The following CCDC6 variants were observed in gnomAD, a reference collection of about 807,000 sequenced individuals.
The protein encoded by CCDC6 is coiled-coil domain containing 6.
CCDC6 carries 20 observed loss-of-function variants against 56.6 expected under a neutral mutation model. That is an observed-to-expected ratio of 0.35 (90% CI 0.25 to 0.51). The LOEUF (loss-of-function observed/expected upper bound fraction) is 0.51, where lower values mean the gene tolerates loss of function less well. CCDC6 is among the 20% of genes least tolerant of loss of function. The pLI, the probability that CCDC6 is intolerant of heterozygous loss-of-function variation, is 0.95. For synonymous variants in CCDC6, 241 were observed against 234.4 expected (o/e 1.03, Z -0.26); for missense variants, 367 against 601.1 (o/e 0.61, Z 4.07).
chr10:59,873,070 T>C (rs2071245274), intron 1 of CCDC6, among the ~76,000 whole-genome samples: 1 of 152,146 alleles, frequency 6.6e-6, no homozygotes, highest in Non-Finnish European at 1.5e-5. Flanking sequence ...CATGTTTTGC[T>C]GAGGTGGTTT....
chr10:59,899,752 C>G (rs1289423556), intron 1 of CCDC6, among the ~76,000 whole-genome samples: 1 of 152,214 alleles, frequency 6.6e-6, no homozygotes. Flanking sequence ...CCAAGCCCTG[C>G]TCAGAAACAC....
intron 1 of CCDC6, among the ~76,000 whole-genome samples, chr10:59,856,188 G>T (rs142832177): frequency 6.6e-6 from 1 of 152,020 alleles, no homozygotes; most frequent in Non-Finnish European, 1.5e-5. Flanking sequence ...GCCTCTTATG[G>T]CATCTAAACA....
intron 3 of CCDC6, among the ~76,000 whole-genome samples, chr10:59,831,169 G>A (rs2070832038): frequency 6.6e-6 from 1 of 152,102 alleles, no homozygotes; most frequent in South Asian, 2.1e-4. Flanking sequence ...CATGGTGTCT[G>A]GTTAACTTAG....
At chr10:59,798,854 G>A (rs1168061114) in intron 7 of CCDC6, among the ~76,000 whole-genome samples, 3 of 118,510 alleles carry the variant, frequency 2.5e-5, no homozygotes, top group Admixed American at 2.4e-4. Context: ...CTAGGTGGGC[G>A]TGGTGGTTTG....
intron 3 of CCDC6, among the ~76,000 whole-genome samples, chr10:59,818,295 G>T (rs1004828506): frequency 6.6e-6 from 1 of 152,180 alleles, no homozygotes; most frequent in Non-Finnish European, 1.5e-5. Flanking sequence ...GCATCTGTTG[G>T]TAGAGTTACC....
rs371957296 is a variant in CCDC6, at chr10:59,793,061, C to T, written c.1281G>A (p.Thr427=). The change falls in exon 9 of 9, where the codon ACG becomes ACA. Residue 427 remains threonine, a synonymous_variant. Coordinates refer to ENST00000263102, the MANE Select transcript of CCDC6 (RefSeq NM_005436.5). ...SNSPDKFKRP[T]PPPSPNTQTP... ...TCTGTGTGTTGGGAGATGGAGGCGG[C>T]GTGGGCCGTTTGAATTTGTCAGGAC... The T allele has an allele frequency of 3.0e-5, 48 of 1,613,976 alleles. No homozygotes were observed. Among genetic ancestry groups the T allele is most frequent in the Admixed American group, 8.3e-5 (5 of 59,994 alleles).
chr10:59,818,922 T>C (rs1230064311), intron 3 of CCDC6, among the ~76,000 whole-genome samples: 1 of 152,254 alleles, frequency 6.6e-6, no homozygotes, highest in African/African-American at 2.4e-5. Flanking sequence ...AACTGTGAGT[T>C]GGGAGGAGGT....
At chr10:59,902,388 CTTTTTTT>C (rs35175510) in intron 1 of CCDC6, among the ~76,000 whole-genome samples, 5 of 88,422 alleles carry the variant, frequency 5.7e-5, no homozygotes, top group Admixed American at 1.4e-4. Context: ...AACAGTAACT[CTTTTTTT>C]TTTTTTTTTT....
At chr10:59,898,454 T>C (rs772706503) in intron 1 of CCDC6, among the ~76,000 whole-genome samples, 1 of 152,208 alleles carries the variant, frequency 6.6e-6, no homozygotes, top group Non-Finnish European at 1.5e-5. Context: ...ATGAACTTCA[T>C]TTTGGAAGCT....
chr10:59,889,283 A>G (rs569413633), intron 1 of CCDC6, among the ~76,000 whole-genome samples: 90 of 152,308 alleles, frequency 5.9e-4, no homozygotes, highest in African/African-American at 2.2e-3. Context: ...AAAGCATTCT[A>G]TGGGAGGGGC....
chr10:59,811,920 T>C (rs763491559), intron 5 of CCDC6, among the ~76,000 whole-genome samples: 1 of 152,164 alleles, frequency 6.6e-6, no homozygotes. Flanking sequence ...TAAGTTTATA[T>C]ACAAATATAT....
chr10:59,901,934 T>C (rs1472487428), intron 1 of CCDC6, among the ~76,000 whole-genome samples: 1 of 109,546 alleles, frequency 9.1e-6, no homozygotes, highest in African/African-American at 3.0e-5. Context: ...ATTTGTTTAT[T>C]TCCCCTACTC....
intron 1 of CCDC6, among the ~76,000 whole-genome samples, chr10:59,904,745 T>C (rs191825771): frequency 6.4e-4 from 97 of 152,338 alleles, no homozygotes; most frequent in Non-Finnish European, 1.1e-3. Flanking sequence ...GCATGAAAAG[T>C]TTCTTTTTAC....
chr10:59,857,675 ATTT>A (rs111786597), intron 1 of CCDC6, among the ~76,000 whole-genome samples: 5 of 148,180 alleles, frequency 3.4e-5, no homozygotes, highest in Admixed American at 2.7e-4. Flanking sequence ...ATTTGCACAG[ATTT>A]TTTTTTTTTA....
chr10:59,844,426 TAAA>T (rs55710616), intron 2 of CCDC6, among the ~76,000 whole-genome samples: 1 of 139,238 alleles, frequency 7.2e-6, no homozygotes, highest in African/African-American at 2.7e-5. Context: ...GGAGGAATAT[TAAA>T]AAAAAAAAAA....
At chr10:59,847,441 T>C (rs2071002706) in intron 2 of CCDC6, among the ~76,000 whole-genome samples, 1 of 152,134 alleles carries the variant, frequency 6.6e-6, no homozygotes, top group South Asian at 2.1e-4. Context: ...GTTAGGCTAA[T>C]CATTAGAGCA....
intron 2 of CCDC6, among the ~76,000 whole-genome samples, chr10:59,837,187 C>CT (rs1342685565): frequency 2.6e-5 from 4 of 152,200 alleles, no homozygotes; most frequent in Non-Finnish European, 5.9e-5. Context: ...CACCAAATGA[C>CT]TTTTTTCTCA....
At chr10:59,857,816 T>G (rs374044807) in intron 1 of CCDC6, among the ~76,000 whole-genome samples, 1 of 152,230 alleles carries the variant, frequency 6.6e-6, no homozygotes, top group Non-Finnish European at 1.5e-5. Flanking sequence ...TTTACTAGTT[T>G]GTTGTCTAGT....
At chr10:59,850,566 G>A (rs568210753) in intron 2 of CCDC6, among the ~76,000 whole-genome samples, 207 of 152,262 alleles carry the variant, frequency 1.4e-3, no homozygotes, top group Non-Finnish European at 1.9e-3. Context: ...ACATGCCCGC[G>A]TGAAGGCTAG....
Sources: allele counts gnomAD v4.1 joint callset (sites outside exome capture counted in the v4.1 genomes callset), GRCh38; gene constraint gnomAD v4.1.1; transcripts MANE v1.5; gene names NCBI Gene and HGNC (gene_info 2026-07-23, HGNC 2026-07-21).